Variants in DLG2 observed in about 807,000 individuals in gnomAD.
The protein encoded by DLG2 is disks large homolog 2.
Under a neutral mutation model 132.5 loss-of-function variants are expected in DLG2, and 45 were observed. The observed-to-expected ratio is 0.34, with a 90% CI of 0.27 to 0.44. The LOEUF (loss-of-function observed/expected upper bound fraction) is 0.44. Ranked by LOEUF, DLG2 falls within the 20% of genes least tolerant of loss-of-function variation. The pLI, the probability that DLG2 is intolerant of heterozygous loss-of-function variation, is 1.00. For missense variants in DLG2, 1,045 were observed against 1,196.9 expected (o/e 0.87, Z 1.87); for synonymous variants, 424 against 419.6 (o/e 1.01, Z -0.13).
intron 7 of DLG2, among the ~76,000 whole-genome samples, chr11:84,503,770 C>G (rs946541514): frequency 6.6e-6 from 1 of 152,218 alleles, no homozygotes; most frequent in Non-Finnish European, 1.5e-5. Context: ...CAGACCTACT[C>G]AAAAACTAGA....
chr11:83,498,128 A>G (rs943601957), intron 21 of DLG2, among the ~76,000 whole-genome samples: 1 of 152,094 alleles, frequency 6.6e-6, no homozygotes, highest in Non-Finnish European at 1.5e-5. Context: ...TAAGTTTACT[A>G]TTTCACATAA....
At chr11:85,395,849 A>T (rs2087300648) in intron 3 of DLG2, among the ~76,000 whole-genome samples, 2 of 152,204 alleles carry the variant, frequency 1.3e-5, no homozygotes, top group South Asian at 4.1e-4. Flanking sequence ...TATCTGAACA[A>T]AAGGCAGCAG....
intron 7 of DLG2, among the ~76,000 whole-genome samples, chr11:84,277,686 C>T (rs1053895274): frequency 1.4e-4 from 21 of 151,872 alleles, no homozygotes; most frequent in African/African-American, 4.8e-4. Context: ...AAATTAAACC[C>T]AAAGTAGGCA....
At chr11:85,351,416 T>A (rs546545471) in intron 3 of DLG2, among the ~76,000 whole-genome samples, 1 of 152,354 alleles carries the variant, frequency 6.6e-6, no homozygotes, top group East Asian at 1.9e-4. Context: ...TGCTCTTGCC[T>A]GATTGCCCTG....
intron 17 of DLG2, among the ~76,000 whole-genome samples, chr11:83,813,446 G>A (rs1040080595): frequency 6.6e-6 from 1 of 152,044 alleles, no homozygotes. Context: ...CCCTCTAAAT[G>A]CCTGCAGATG....
At chr11:83,884,275 C>T (rs953363603) in intron 15 of DLG2, among the ~76,000 whole-genome samples, 9 of 152,320 alleles carry the variant, frequency 5.9e-5, no homozygotes, top group African/African-American at 9.6e-5. Context: ...TAAAAAACGG[C>T]GCACCAGGAG....
intron 6 of DLG2, among the ~76,000 whole-genome samples, chr11:84,765,734 CAT>C (rs2153876340): frequency 6.6e-6 from 1 of 152,132 alleles, no homozygotes; most frequent in African/African-American, 2.4e-5. Context: ...AGTTAAAAAA[CAT>C]AAAAGTAATT....
At chr11:85,082,376 C>A (rs1315580626) in intron 6 of DLG2, among the ~76,000 whole-genome samples, 2 of 152,060 alleles carry the variant, frequency 1.3e-5, no homozygotes, top group East Asian at 1.9e-4. Context: ...AGTTGCCATT[C>A]CAGGCCTTCT....
At chr11:85,345,688 C>T (rs2082784849) in intron 3 of DLG2, among the ~76,000 whole-genome samples, 1 of 152,010 alleles carries the variant, frequency 6.6e-6, no homozygotes, top group Non-Finnish European at 1.5e-5. Flanking sequence ...AGCAATCATC[C>T]CTCTTTCATC....
chr11:84,888,192 T>C (rs544278025), intron 6 of DLG2, among the ~76,000 whole-genome samples: 1 of 152,288 alleles, frequency 6.6e-6, no homozygotes, highest in African/African-American at 2.4e-5. Flanking sequence ...ACATTGTTTC[T>C]GAATGTGTCT....
intron 16 of DLG2, among the ~76,000 whole-genome samples, chr11:83,872,275 G>T (rs934796134): frequency 2.0e-5 from 3 of 152,088 alleles, no homozygotes; most frequent in Non-Finnish European, 4.4e-5. Context: ...ACAAATTGGC[G>T]AGTTGTATAC....
chr11:83,506,835 A>C (rs2094726822), intron 21 of DLG2, among the ~76,000 whole-genome samples: 1 of 152,160 alleles, frequency 6.6e-6, no homozygotes, highest in African/African-American at 2.4e-5. Context: ...TTAACCATAG[A>C]CATCTGATGA....
chr11:84,113,886 T>C (rs900708368), intron 9 of DLG2, among the ~76,000 whole-genome samples: 5 of 152,122 alleles, frequency 3.3e-5, no homozygotes, highest in Non-Finnish European at 7.4e-5. Flanking sequence ...AGTTTTAATG[T>C]GGTATCAAAG....
At chr11:84,232,074 G>GA (rs1177063702) in intron 8 of DLG2, among the ~76,000 whole-genome samples, 2 of 151,916 alleles carry the variant, frequency 1.3e-5, no homozygotes, top group South Asian at 4.2e-4. Context: ...GTGAAATAAG[G>GA]AAAAAAATAT....
At chr11:84,112,556 A>AT (rs1027916405) in intron 9 of DLG2, among the ~76,000 whole-genome samples, 1 of 149,924 alleles carries the variant, frequency 6.7e-6, no homozygotes, top group African/African-American at 2.5e-5. Flanking sequence ...ATAACTAGAG[A>AT]TTTTTTTCTG....
chr11:84,085,743 C>T (rs554835316), intron 10 of DLG2, among the ~76,000 whole-genome samples: 1 of 152,162 alleles, frequency 6.6e-6, no homozygotes, highest in South Asian at 2.1e-4. Flanking sequence ...AAAGCAGTGG[C>T]GATGCTTAAA....
rs576629825 is a variant in DLG2, at chr11:85,531,740, G to A, written c.40+66917C>T. ...AATCAGGTTACACAGCGGTGGAGGG[G>A]TGGAGAAAGACACACGCTGCAAGAT... On this transcript the variant is annotated intron_variant, in intron 3 of 27. Transcript: ENST00000376104. Among the ~76,000 whole-genome samples, 5 of 152,278 alleles carry A rather than the reference G, an allele frequency of 3.3e-5. No homozygotes were observed. The East Asian group carries it at 7.7e-4, about 23-fold the overall frequency.
intron 7 of DLG2, among the ~76,000 whole-genome samples, chr11:84,384,095 CTTT>C (rs200117797): frequency 8.2e-6 from 1 of 122,124 alleles, no homozygotes; most frequent in African/African-American, 3.0e-5. Context: ...CTCGATGACG[CTTT>C]TTTTTTTTTT....
At position 84,352,856 on chromosome 11, in the gene DLG2, A is replaced by G. The variant is rs1179849143; in HGVS notation, c.520-101565T>C. ...CAGTGGGTGCTCACAAATTATCTTTATTTTTGTCTTAAGTTTCTAAATCTC... is the reference window on the plus strand; with the variant it reads ...CAGTGGGTGCTCACAAATTATCTTTGTTTTTGTCTTAAGTTTCTAAATCTC... On this transcript the variant is annotated intron_variant, in intron 7 of 27. Coordinates refer to ENST00000376104, the MANE Select transcript of DLG2 (RefSeq NM_001142699.3). Among the ~76,000 whole-genome samples, 3 of 152,104 alleles carry G rather than the reference A, an allele frequency of 2.0e-5. No individual in the cohort carries two copies. The East Asian group carries it at 5.8e-4, about 29-fold the overall frequency.
Sources: gnomAD v4.1 joint callset for allele counts (sites outside exome capture counted in the v4.1 genomes callset) on GRCh38, gnomAD v4.1.1 for gene constraint, MANE v1.5 for transcripts, NCBI Gene and HGNC (gene_info 2026-07-23, HGNC 2026-07-21) for gene names.